CSDE1: variants seen among roughly 807,000 people sequenced by gnomAD.
The protein encoded by CSDE1 is cold shock domain-containing protein E1.
Under a neutral mutation model 89.3 loss-of-function variants are expected in CSDE1, and 17 were observed. That is an observed-to-expected ratio of 0.19 (90% confidence interval 0.13 to 0.29). The LOEUF (loss-of-function observed/expected upper bound fraction) is 0.29, where lower values mean the gene tolerates loss of function less well. CSDE1 is among the 10% of genes least tolerant of loss of function. The pLI, the probability that CSDE1 is intolerant of heterozygous loss-of-function variation, is 1.00. For missense variants in CSDE1, 672 were observed against 984.2 expected, an observed-to-expected ratio of 0.68 and a Z score of 4.24; for synonymous variants, 322 against 332.8, an observed-to-expected ratio of 0.97 and a Z score of 0.35.
In CSDE1 at chr1:114,733,770, C is replaced by G; in HGVS notation, c.799G>C (p.Val267Leu). The G allele has an allele frequency of 6.2e-7, 1 of 1,613,776 alleles. No individual in the cohort carries two copies. Among genetic ancestry groups the G allele is most frequent in the Non-Finnish European group, 8.5e-7 (1 of 1,179,912 alleles). ...GGTACTTTTGGGATAACTTTGGTTACAGTTCCTTCAAAATGTTCAATGCTG... is the reference window on the plus strand; with the variant it reads ...GGTACTTTTGGGATAACTTTGGTTAGAGTTCCTTCAAAATGTTCAATGCTG... ...DISIEHFEGT[V>L]TKVIPKVPSK... Residue 267 changes from valine (V) to leucine (L), a missense_variant, in exon 9 of 20, where the codon GTA (valine) becomes CTA (leucine). Physicochemically the swap from Val to Leu is conservative, Grantham distance 32. Coordinates refer to ENST00000358528, the MANE Select transcript of CSDE1 (RefSeq NM_001007553.3).
chr1:114,738,661 CTTTTTTTTTTTTTTTTT>C (rs752985259), intron 3 of CSDE1, among the ~76,000 whole-genome samples: 76 of 80,042 alleles, frequency 9.5e-4, no homozygotes, highest in African/African-American at 3.7e-3. Context: ...CATGTAAAAA[CTTTTTTTTTTTTTTTTT>C]TTTTTTTTTT....
chr1:114,718,148 T>C lies in CSDE1; in HGVS notation c.*21A>G. 3.1e-6 allele frequency: 5 copies of C among 1,613,884 alleles called. No individual in the cohort carries two copies. The South Asian group carries it at 4.4e-5, about 14-fold the overall frequency. ...CCCCAACTTGATCATAGTGGATTAATGGTGTGCTTTGTGGATGTGGTTAGT... is the reference window on the plus strand; with the variant it reads ...CCCCAACTTGATCATAGTGGATTAACGGTGTGCTTTGTGGATGTGGTTAGT... On this transcript the variant is annotated 3_prime_UTR_variant, in exon 20 of 20. Transcript: ENST00000358528.
intron 1 of CSDE1, among the ~76,000 whole-genome samples, chr1:114,753,227 C>T (rs1323477550): frequency 2.0e-5 from 3 of 152,196 alleles, no homozygotes; most frequent in South Asian, 2.1e-4. Flanking sequence ...TCCAGGTTGT[C>T]GTATCACATT....
intron 12 of CSDE1, among the ~76,000 whole-genome samples, chr1:114,729,532 AAT>A (rs1465223777): frequency 6.6e-6 from 1 of 151,276 alleles, no homozygotes; most frequent in African/African-American, 2.4e-5. Flanking sequence ...AAAAAAAAAA[AAT>A]TCCTGTCGGA....
intron 6 of CSDE1, among the ~76,000 whole-genome samples, chr1:114,735,166 A>T (rs1014346641): frequency 6.6e-6 from 1 of 152,330 alleles, no homozygotes; most frequent in East Asian, 1.9e-4. Flanking sequence ...TGTTGCTTTT[A>T]TGCCTTCATA....
At chr1:114,755,472 A>G (rs1461108789) in intron 1 of CSDE1, among the ~76,000 whole-genome samples, 1 of 152,220 alleles carries the variant, frequency 6.6e-6, no homozygotes, top group Non-Finnish European at 1.5e-5. Flanking sequence ...TCAGCCACAC[A>G]CTGTTTTACC....
intron 2 of CSDE1, among the ~76,000 whole-genome samples, chr1:114,747,258 C>A (rs1661061525): frequency 6.6e-6 from 1 of 152,096 alleles, no homozygotes; most frequent in African/African-American, 2.4e-5. Context: ...ACTGATTTTA[C>A]AAAACCCCCC....
Position 114,717,521 on chromosome 1 carries a change from C to A in CSDE1, c.*648G>T, listed in dbSNP as rs1156633272. On this transcript the variant is annotated 3_prime_UTR_variant, in exon 20 of 20. Transcript: ENST00000358528. ...TTACCCCCCAACCCACGAAAAAAAA[C>A]CTACTCTGGAAGAAAATTTTCACTG... The A allele has an allele frequency of 2.6e-5, 4 of 152,408 alleles. No homozygotes were observed. Among genetic ancestry groups the A allele is most frequent in the Non-Finnish European group, 5.9e-5 (4 of 68,010 alleles). The allele number at this position is 152,408 out of a possible 1,614,324, so 9.4% of individuals were successfully genotyped here.
At chr1:114,721,729 C>T (rs1471408883) in intron 16 of CSDE1, among the ~76,000 whole-genome samples, 8 of 151,974 alleles carry the variant, frequency 5.3e-5, no homozygotes, top group African/African-American at 1.7e-4. Flanking sequence ...GCTGGGACTA[C>T]AGGCACACAC....
In CSDE1 at chr1:114,730,409, G is replaced by A. The variant is rs1017554755; in HGVS notation, c.1205C>T (p.Ala402Val). The change falls in exon 12 of 20, where the codon GCT becomes GTT. Residue 402 changes from alanine (A) to valine (V), a missense_variant. Physicochemically the swap from Ala to Val is moderately conservative, Grantham distance 64. Coordinates refer to ENST00000358528, the MANE Select transcript of CSDE1 (RefSeq NM_001007553.3). Reference protein sequence around the residue: ...EFTVVPDMLSAQRNHAIRIKK... With the variant: ...EFTVVPDMLSVQRNHAIRIKK... ...AATCCTAATAGCATGATTTCTTTGAGCAGAGAGCATATCCTAAAAATGATA... is the reference window on the plus strand; with the variant it reads ...AATCCTAATAGCATGATTTCTTTGAACAGAGAGCATATCCTAAAAATGATA... 1 of 1,613,684 alleles carries A rather than the reference G, an allele frequency of 6.2e-7. No individual in the cohort carries two copies. The highest frequency in any genetic ancestry group is 8.5e-7 in the Non-Finnish European group (1 of 1,179,908).
intron 1 of CSDE1, among the ~76,000 whole-genome samples, chr1:114,751,838 C>T (rs1661324649): frequency 1.3e-5 from 2 of 152,166 alleles, no homozygotes; most frequent in Admixed American, 1.3e-4. Context: ...TTAGTATTTC[C>T]CTCGCTATAT....
chr1:114,731,521 G>A (rs1660098661), intron 10 of CSDE1, among the ~76,000 whole-genome samples: 1 of 151,968 alleles, frequency 6.6e-6, no homozygotes, highest in African/African-American at 2.4e-5. Flanking sequence ...TTCATTCAAT[G>A]TACCCAGTTC....
intron 3 of CSDE1, among the ~76,000 whole-genome samples, chr1:114,738,443 C>T (rs1030739922): frequency 6.6e-6 from 1 of 151,782 alleles, no homozygotes; most frequent in Non-Finnish European, 1.5e-5. Context: ...TAACCTTTGG[C>T]GAGTTTTTTT....
At position 114,733,630 on chromosome 1, in the gene CSDE1, C is replaced by A; in HGVS notation, c.837+102G>T. 3.9e-6 allele frequency: 4 copies of A among 1,028,248 alleles called. No homozygotes were observed. The South Asian group carries it at 5.6e-5, about 14-fold the overall frequency. The allele number at this position is 1,028,248 out of a possible 1,614,324, so 63.7% of individuals were successfully genotyped here. A position where few individuals can be genotyped will look rare whatever the true frequency, so the allele number is the denominator to read the frequency against. ...CAAGAGGTCCTTAGTTGTTCCACTA[C>A]CACATTATATTAACTGAATAAGATA... On this transcript the variant is annotated intron_variant, in intron 9 of 19. Transcript: ENST00000358528.
chr1:114,725,454 TA>T (rs1478298793), intron 14 of CSDE1, 121 bp from the exon 15 acceptor site: 5 of 760,528 alleles, frequency 6.6e-6, no homozygotes, highest in Non-Finnish European at 2.3e-6. Flanking sequence ...GACACCATTT[TA>T]AGTAATTTCT....
At chr1:114,757,557 G>A (rs935414331) in intron 1 of CSDE1, among the ~76,000 whole-genome samples, 19 of 152,042 alleles carry the variant, frequency 1.2e-4, no homozygotes, top group Non-Finnish European at 7.4e-5. Context: ...AGATGGGGAA[G>A]CAGCCAGACT....
chr1:114,738,138 C>T, intron 3 of CSDE1, 66 bp from the exon 4 acceptor site: 4 of 1,190,926 alleles, frequency 3.4e-6, no homozygotes, highest in Non-Finnish European at 5.0e-6. Flanking sequence ...TGCTTCCAAG[C>T]TATACTTAAC....
chr1:114,736,840 T>A lies in CSDE1; in HGVS notation c.418A>T (p.Thr140Ser). The change falls in exon 6 of 20, where the codon ACT (threonine) becomes TCT (serine). Residue 140 changes from threonine (T) to serine (S), a missense_variant. By Grantham distance (58) the Thr-to-Ser change is moderately conservative (BLOSUM62 1). Coordinates refer to ENST00000358528, the MANE Select transcript of CSDE1 (RefSeq NM_001007553.3). ...CCTTCGACATCTTCAGGGGTGTAAG[T>A]CAGATAAAACACTTCCTGTGAATTA... Reference protein sequence around the residue: ...YERNGEVFYLTYTPEDVEGNV... With the variant: ...YERNGEVFYLSYTPEDVEGNV... 1 of 1,611,592 alleles carries A rather than the reference T, an allele frequency of 6.2e-7. No homozygotes were observed.
chr1:114,727,132 G>T, intron 12 of CSDE1, 42 bp from the exon 13 acceptor site: 1 of 1,398,278 alleles, frequency 7.2e-7, no homozygotes, highest in Non-Finnish European at 1.0e-6. Context: ...ACAATCTCAA[G>T]AACAAAAACC....
Sources: gnomAD v4.1 joint callset for allele counts (sites outside exome capture counted in the v4.1 genomes callset) on GRCh38, gnomAD v4.1.1 for gene constraint, MANE v1.5 for transcripts, NCBI Gene and HGNC (gene_info 2026-07-23, HGNC 2026-07-21) for gene names.